Variants in PALM2AKAP2 observed in about 807,000 individuals in gnomAD.
PALM2AKAP2 encodes PALM2-AKAP2 fusion protein.
PALM2AKAP2 carries 37 observed loss-of-function variants against 71.5 expected under a neutral mutation model. That is an observed-to-expected ratio of 0.52 (90% CI 0.40 to 0.68). The LOEUF (loss-of-function observed/expected upper bound fraction) is 0.68. PALM2AKAP2 is among the 30% of genes least tolerant of loss of function. The pLI, the probability that PALM2AKAP2 is intolerant of heterozygous loss-of-function variation, is 0.00. For synonymous variants in PALM2AKAP2, 468 were observed against 478.8 expected (o/e 0.98, Z 0.29); for missense variants, 1,224 against 1,191.8 (o/e 1.03, Z -0.40).
chr9:109,926,815 A>G (rs532646293), intron 5 of PALM2AKAP2, among the ~76,000 whole-genome samples: 2 of 152,088 alleles, frequency 1.3e-5, no homozygotes, highest in South Asian at 4.2e-4. Flanking sequence ...GACCTGTCAT[A>G]CTCTGTGACT....
At chr9:109,800,205 A>G (rs1182048222) in intron 1 of PALM2AKAP2, among the ~76,000 whole-genome samples, 1 of 152,244 alleles carries the variant, frequency 6.6e-6, no homozygotes, top group Non-Finnish European at 1.5e-5. Flanking sequence ...AAATCAGAGG[A>G]GCATATTTCA....
chr9:109,727,558 T>G (rs1012477224), intron 1 of PALM2AKAP2, among the ~76,000 whole-genome samples: 1 of 152,206 alleles, frequency 6.6e-6, no homozygotes, highest in Non-Finnish European at 1.5e-5. Flanking sequence ...AGGTGGCCAA[T>G]GATGAGGCAG....
chr9:109,969,044 C>G (rs181584582), intron 6 of PALM2AKAP2, among the ~76,000 whole-genome samples: 2 of 151,362 alleles, frequency 1.3e-5, no homozygotes, highest in South Asian at 4.2e-4. Context: ...AATGCAAGAC[C>G]CTCTGATCTG....
At chr9:109,886,220 C>G (rs1824066607) in intron 3 of PALM2AKAP2, among the ~76,000 whole-genome samples, 1 of 152,128 alleles carries the variant, frequency 6.6e-6, no homozygotes. Flanking sequence ...GGGCCCATTG[C>G]CAGCCATTGT....
intron 1 of PALM2AKAP2, among the ~76,000 whole-genome samples, chr9:110,119,739 T>C (rs1835444644): frequency 6.6e-6 from 1 of 152,224 alleles, no homozygotes; most frequent in African/African-American, 2.4e-5. Context: ...TCCATATCTT[T>C]TGTCTAGTTT....
At chr9:109,776,304 T>C (rs1829347742), upstream of PALM2AKAP2, among the ~76,000 whole-genome samples, 1 of 152,248 alleles carries the variant, frequency 6.6e-6, no homozygotes, top group Non-Finnish European at 1.5e-5. Flanking sequence ...CTCTGCTCCT[T>C]GGCCAACCAT....
At chr9:109,640,951 G>C in intron 1 of PALM2AKAP2, 1 of 1,439,018 alleles carries the variant, frequency 6.9e-7, no homozygotes. Flanking sequence ...ATCCCGCTCG[G>C]GTCCGCGTCC....
intron 3 of PALM2AKAP2, among the ~76,000 whole-genome samples, chr9:109,922,671 T>C (rs1459712518): frequency 6.6e-6 from 1 of 152,166 alleles, no homozygotes; most frequent in Non-Finnish European, 1.5e-5. Flanking sequence ...CCTTCATTCT[T>C]CCTGAAGACA....
intron 1 of PALM2AKAP2, among the ~76,000 whole-genome samples, chr9:109,738,440 A>G (rs1230382523): frequency 1.3e-5 from 2 of 152,228 alleles, no homozygotes; most frequent in African/African-American, 2.4e-5. Context: ...GTAGGAAATT[A>G]AGAAATCTAC....
intron 1 of PALM2AKAP2, among the ~76,000 whole-genome samples, chr9:109,685,003 G>T (rs1827787763): frequency 6.6e-6 from 1 of 152,120 alleles, no homozygotes; most frequent in Non-Finnish European, 1.5e-5. Context: ...CACAAAACAT[G>T]AATGAATCTT....
intron 1 of PALM2AKAP2, among the ~76,000 whole-genome samples, chr9:109,679,256 G>A (rs938678912): frequency 1.3e-5 from 2 of 152,212 alleles, no homozygotes; most frequent in Non-Finnish European, 2.9e-5. Flanking sequence ...AATAGCTGTT[G>A]CAGAAGTGAG....
chr9:109,680,431 C>T (rs373196405), intron 1 of PALM2AKAP2, among the ~76,000 whole-genome samples: 3 of 152,130 alleles, frequency 2.0e-5, no homozygotes, highest in African/African-American at 7.2e-5. Context: ...GACATTAACT[C>T]AAAGAAAGGT....
chr9:110,060,563 A>G lies in PALM2AKAP2; in HGVS notation c.156+11708A>G, dbSNP rs552670888. On this transcript the variant is annotated intron_variant, in intron 1 of 3. Transcript: ENST00000374525. ...TGCTGAGACAGCTGCTGTCTCCATC[A>G]CTCTCATGAGGAAAGAGGGTCAACA... 1.3e-4 allele frequency among the ~76,000 whole-genome samples: 19 copies of G among 151,570 alleles called. 1 individual carries two copies. Among genetic ancestry groups the G allele is most frequent in the African/African-American group, 4.6e-4 (19 of 41,298 alleles).
At chr9:109,911,087 G>C (rs908989126) in intron 3 of PALM2AKAP2, among the ~76,000 whole-genome samples, 3 of 152,156 alleles carry the variant, frequency 2.0e-5, no homozygotes, top group Non-Finnish European at 4.4e-5. Flanking sequence ...CAGGGGTGGA[G>C]GCGCTGGCCT....
At chr9:109,798,892 G>A (rs1026762553) in intron 1 of PALM2AKAP2, among the ~76,000 whole-genome samples, 10 of 152,180 alleles carry the variant, frequency 6.6e-5, no homozygotes, top group Non-Finnish European at 1.3e-4. Flanking sequence ...GGCTGTGGCC[G>A]GAGCCCACAT....
chr9:109,915,703 A>G (rs1830671228), intron 3 of PALM2AKAP2, among the ~76,000 whole-genome samples: 1 of 152,194 alleles, frequency 6.6e-6, no homozygotes, highest in South Asian at 2.1e-4. Flanking sequence ...GTAAGCACTC[A>G]ATAATCCTAA....
chr9:110,019,553 T>C (rs1588061881), intron 7 of PALM2AKAP2, among the ~76,000 whole-genome samples: 1 of 152,328 alleles, frequency 6.6e-6, no homozygotes, highest in South Asian at 2.1e-4. Context: ...ACCTAAGTGT[T>C]CATCAGCGGT....
chr9:109,724,185 G>C (rs1236650113), intron 1 of PALM2AKAP2, among the ~76,000 whole-genome samples: 1 of 152,086 alleles, frequency 6.6e-6, no homozygotes, highest in Non-Finnish European at 1.5e-5. Context: ...ATTAAAATGT[G>C]CAAGATGTAC....
At chr9:109,779,229 T>C (rs765670360), upstream of PALM2AKAP2, among the ~76,000 whole-genome samples, 71 of 152,334 alleles carry the variant, frequency 4.7e-4, no homozygotes, top group Non-Finnish European at 6.6e-4. Flanking sequence ...TTTTTTTTGC[T>C]TTTGGCATTG....
Sources: gnomAD v4.1 joint callset for allele counts (sites outside exome capture counted in the v4.1 genomes callset) on GRCh38, gnomAD v4.1.1 for gene constraint, MANE v1.5 for transcripts, NCBI Gene and HGNC (gene_info 2026-07-23, HGNC 2026-07-21) for gene names.